Variants in KRT8 observed in about 807,000 individuals in gnomAD.
KRT8 encodes keratin 8, also known as keratin, type II cytoskeletal 8.
KRT8 carries 24 observed loss-of-function variants against 43.0 expected under a neutral mutation model. The ratio of observed to expected loss-of-function variants is 0.56; its 90% CI spans 0.40 to 0.78. The LOEUF is 0.78. Ranked by LOEUF, KRT8 falls within the 30% of genes least tolerant of loss-of-function variation. KRT8 has a pLI of 0.00. For missense variants in KRT8, 492 were observed against 638.4 expected, an observed-to-expected ratio of 0.77 and a Z score of 2.47; for synonymous variants, 214 against 261.2, an observed-to-expected ratio of 0.82 and a Z score of 1.74.
intron 2 of KRT8, among the ~76,000 whole-genome samples, chr12:52,937,926 G>A (rs1942194299): frequency 6.7e-6 from 1 of 149,486 alleles, no homozygotes; most frequent in Non-Finnish European, 1.5e-5. Flanking sequence ...CTTAAGCCCA[G>A]GAGGCAGAGG....
chr12:52,904,598 C>G (rs1941463952), intron 1 of KRT8, 60 bp downstream of exon 1: 1 of 1,493,018 alleles, frequency 6.7e-7, no homozygotes, highest in Non-Finnish European at 9.3e-7. Flanking sequence ...TGCATAGGGA[C>G]CGGGACTACC....
chr12:52,941,143 C>T (rs1161069173), intron 2 of KRT8, among the ~76,000 whole-genome samples: 1 of 150,852 alleles, frequency 6.6e-6, no homozygotes, highest in Admixed American at 6.6e-5. Context: ...CTTGGCTCAC[C>T]ACAACCTCCG....
intron 5 of KRT8, among the ~76,000 whole-genome samples, chr12:52,899,268 TCACGC>T (rs964617886): frequency 3.3e-5 from 5 of 152,018 alleles, no homozygotes; most frequent in African/African-American, 7.3e-5. Context: ...TGAGCCGAGA[TCACGC>T]CACTGCACTC....
chr12:52,919,049 T>C (rs1004644280), intron 2 of KRT8, among the ~76,000 whole-genome samples: 1 of 151,974 alleles, frequency 6.6e-6, no homozygotes. Context: ...GCTTATAGGA[T>C]AGTAATAAAG....
intron 7 of KRT8, among the ~76,000 whole-genome samples, chr12:52,898,059 G>A (rs1217156722): frequency 6.6e-6 from 1 of 152,220 alleles, no homozygotes; most frequent in Non-Finnish European, 1.5e-5. Context: ...AGCTACTTGG[G>A]AGGCCTGAGG....
chr12:52,948,787 G>A (rs1942397931), intron 2 of KRT8: 1 of 409,056 alleles, frequency 2.4e-6, no homozygotes. Flanking sequence ...ACTGCGCCCG[G>A]TCAAGACTCC....
intron 2 of KRT8, among the ~76,000 whole-genome samples, chr12:52,940,572 G>T (rs1030230997): frequency 1.3e-5 from 2 of 151,884 alleles, no homozygotes; most frequent in Admixed American, 1.3e-4. Context: ...TGGGGGTGTC[G>T]GGGAGGAGGT....
At chr12:52,898,840 C>T (rs1941286379) in exon 6 of KRT8, 1 of 1,613,458 alleles carries the variant, frequency 6.2e-7, no homozygotes, top group African/African-American at 1.3e-5. Context: ...CGTTGGCATC[C>T]TTAATGGCCA....
At chr12:52,921,077 T>C (rs1941876909) in intron 2 of KRT8, among the ~76,000 whole-genome samples, 1 of 152,168 alleles carries the variant, frequency 6.6e-6, no homozygotes, top group Non-Finnish European at 1.5e-5. Context: ...TCTGTTGACC[T>C]GGATGGTGGG....
chr12:52,926,040 G>A (rs1345218344), intron 2 of KRT8, among the ~76,000 whole-genome samples: 1 of 152,070 alleles, frequency 6.6e-6, no homozygotes, highest in African/African-American at 2.4e-5. Flanking sequence ...CTGGAGACAG[G>A]CTGGTGCGAG....
intron 2 of KRT8, among the ~76,000 whole-genome samples, chr12:52,930,380 C>A (rs1164930800): frequency 6.6e-6 from 1 of 152,134 alleles, no homozygotes; most frequent in Admixed American, 6.6e-5. Context: ...CATGTGCCAT[C>A]ACACCTAATT....
intron 2 of KRT8, among the ~76,000 whole-genome samples, chr12:52,912,768 G>A (rs115402404): frequency 1.1e-3 from 173 of 152,326 alleles, no homozygotes; most frequent in African/African-American, 4.0e-3. Context: ...ATGATAATTC[G>A]TGTGTGGCAG....
intron 2 of KRT8, among the ~76,000 whole-genome samples, chr12:52,941,129 C>T (rs998192184): frequency 7.5e-5 from 11 of 147,202 alleles, no homozygotes; most frequent in African/African-American, 1.8e-4. Context: ...TGCAATGGCG[C>T]GATCTTGGCT....
At chr12:52,949,828 G>T in exon 1 of KRT8, 1 of 704,340 alleles carries the variant, frequency 1.4e-6, no homozygotes. Flanking sequence ...GCTTTACAGA[G>T]GAAGTGGACA....
chr12:52,905,238 C>G (rs1473379778), upstream of KRT8, among the ~76,000 whole-genome samples: 2 of 152,134 alleles, frequency 1.3e-5, no homozygotes, highest in Non-Finnish European at 2.9e-5. Context: ...AGGGCCCGTT[C>G]CAACCCTGGA....
chr12:52,903,187 GGCCAA>G (rs1422239430), intron 1 of KRT8, among the ~76,000 whole-genome samples: 8 of 152,248 alleles, frequency 5.3e-5, no homozygotes, highest in African/African-American at 1.7e-4. Context: ...ATGGAATGTG[GGCCAA>G]GCACTGCTGA....
chr12:52,949,113 C>T, intron 2 of KRT8: 3 of 1,362,432 alleles, frequency 2.2e-6, no homozygotes, highest in Non-Finnish European at 3.0e-6. Context: ...GCGCGGCTCG[C>T]GCAGGCCGCC....
chr12:52,949,675 C>T, intron 1 of KRT8: 1 of 1,206,956 alleles, frequency 8.3e-7, no homozygotes, highest in Non-Finnish European at 1.2e-6. Flanking sequence ...CATTCCATAA[C>T]CACCCAACCC....
In KRT8 at chr12:52,930,248, G is replaced by A. The variant is rs138166080; in HGVS notation, c.-47+19208C>T. Among the ~76,000 whole-genome samples the A allele has an allele frequency of 1.4e-4, 21 of 146,972 alleles. No individual in the cohort carries two copies. The East Asian group carries it at 2.2e-3, about 15-fold the overall frequency. On this transcript the variant is annotated intron_variant, in intron 2 of 6. Coordinates refer to the KRT8 transcript ENST00000546826. ...TTTTTTTTTCTTGAGACAGAGCTTC[G>A]TTCTTGTTGCCCAGGCTGGAGTGCA...
Sources: gnomAD v4.1 joint callset for allele counts (sites outside exome capture counted in the v4.1 genomes callset) on GRCh38, gnomAD v4.1.1 for gene constraint, MANE v1.5 for transcripts, NCBI Gene and HGNC (gene_info 2026-07-23, HGNC 2026-07-21) for gene names.